EMB: variants seen among roughly 807,000 people sequenced by gnomAD.
EMB encodes embigin homolog.
A neutral mutation model predicts 41.4 loss-of-function variants in EMB; 31 were observed. The observed-to-expected ratio is 0.75, with a 90% CI of 0.56 to 1.01. The LOEUF (loss-of-function observed/expected upper bound fraction) is 1.01. EMB is among the 50% of genes least tolerant of loss of function. EMB has a pLI of 0.00. For synonymous variants in EMB, 137 were observed against 140.4 expected, an observed-to-expected ratio of 0.98 and a Z score of 0.17; for missense variants, 379 against 388.3, an observed-to-expected ratio of 0.98 and a Z score of 0.20.
chr5:50,434,064 T>C (rs1745765774), intron 1 of EMB, among the ~76,000 whole-genome samples: 1 of 152,236 alleles, frequency 6.6e-6, no homozygotes, highest in Non-Finnish European at 1.5e-5. Flanking sequence ...TAGTATGACC[T>C]TATTTTAGTT....
intron 1 of EMB, among the ~76,000 whole-genome samples, chr5:50,436,853 G>A (rs1288378758): frequency 9.2e-5 from 14 of 152,342 alleles, no homozygotes; most frequent in East Asian, 1.9e-4. Flanking sequence ...GGAAGGGAAC[G>A]AGGGTGACAG....
chr5:50,441,495 C>A, upstream of EMB: 1 of 189,726 alleles, frequency 5.3e-6, no homozygotes, highest in Non-Finnish European at 1.1e-5. Context: ...TGATGTCTAG[C>A]CAATCTCGTG....
intron 4 of EMB, 72 bp downstream of exon 4, chr5:50,410,805 A>T: frequency 1.1e-6 from 1 of 945,016 alleles, no homozygotes; most frequent in Non-Finnish European, 1.5e-6. Context: ...ATAATTTTAA[A>T]ATTACAGGAT....
At chr5:50,427,956 C>G (rs1745647108) in intron 2 of EMB, among the ~76,000 whole-genome samples, 188 bp downstream of exon 2, 1 of 152,102 alleles carries the variant, frequency 6.6e-6, no homozygotes, top group African/African-American at 2.4e-5. Flanking sequence ...GGTATATTTT[C>G]CTCCTTTGTG....
intron 7 of EMB, among the ~76,000 whole-genome samples, chr5:50,400,845 G>A (rs1745149895): frequency 6.6e-6 from 1 of 151,918 alleles, no homozygotes; most frequent in South Asian, 2.1e-4. Context: ...CAGAAGTGAT[G>A]GTCCATTCCA....
intron 2 of EMB, among the ~76,000 whole-genome samples, chr5:50,419,632 G>A (rs1745485143): frequency 6.6e-6 from 1 of 151,818 alleles, no homozygotes; most frequent in Admixed American, 6.6e-5. Flanking sequence ...GAGAGGGTGT[G>A]GAAAGCATTC....
At chr5:50,427,633 C>A (rs1745641672) in intron 2 of EMB, among the ~76,000 whole-genome samples, 1 of 152,032 alleles carries the variant, frequency 6.6e-6, no homozygotes, top group African/African-American at 2.4e-5. Context: ...CTCAGCCTCC[C>A]AAGTAGCTGG....
intron 2 of EMB, among the ~76,000 whole-genome samples, chr5:50,417,084 C>T (rs910140236): frequency 8.5e-5 from 13 of 152,184 alleles, no homozygotes; most frequent in African/African-American, 3.1e-4. Context: ...CACCAGCTCA[C>T]TCTTGAATTC....
rs529353602 is a variant in EMB at position 50,402,741 on chromosome 5, AT to A, written c.878-423del. 1.2e-3 allele frequency among the ~76,000 whole-genome samples: 188 copies of A among 151,832 alleles called. 2 individuals carry two copies. Among genetic ancestry groups the A allele is most frequent in the South Asian group, 6.2e-3 (30 of 4,810 alleles). On this transcript the variant is annotated intron_variant, in intron 6 of 8. Transcript: ENST00000303221. ...AGAACTCTGGAATGGTTAATAAAAT[AT>A]TTTTTTAAATGATAATCTAAGTGAA...
chr5:50,442,689 G>A (rs1438550894), upstream of EMB, among the ~76,000 whole-genome samples: 2 of 152,142 alleles, frequency 1.3e-5, no homozygotes, highest in African/African-American at 2.4e-5. Context: ...CATTGACTGG[G>A]CTTGCTAAAC....
chr5:50,405,757 A>C lies in EMB; in HGVS notation c.568T>G (p.Trp190Gly). ...CTCCCATTACTACTGTACCAGGTCC[A>C]ATTTAAAGGAAAACAATTTTGACAT... ...CKCQNCFPLN[W>G]TWYSSNGSVK... Residue 190 changes from tryptophan (W) to glycine (G), a missense_variant, in exon 5 of 9, where the codon TGG (tryptophan) becomes GGG (glycine). Coordinates refer to ENST00000303221, the MANE Select transcript of EMB (RefSeq NM_198449.3). 6.2e-7 allele frequency: 1 copy of C among 1,606,382 alleles called. No individual in the cohort carries two copies. The highest frequency in any genetic ancestry group is 8.5e-7 in the Non-Finnish European group (1 of 1,176,334).
At chr5:50,405,602 T>C in intron 5 of EMB, 123 bp downstream of exon 5, 1 of 1,361,376 alleles carries the variant, frequency 7.3e-7, no homozygotes, top group African/African-American at 1.5e-5. Flanking sequence ...GAACATAAGC[T>C]AAACAACAAG....
At chr5:50,402,999 A>G (rs967944362) in intron 6 of EMB, among the ~76,000 whole-genome samples, 179 bp downstream of exon 6, 2 of 151,420 alleles carry the variant, frequency 1.3e-5, no homozygotes, top group African/African-American at 4.8e-5. Context: ...TTTCCAGCTC[A>G]CTGTCACCAT....
intron 2 of EMB, among the ~76,000 whole-genome samples, chr5:50,421,310 G>A (rs904084158): frequency 6.6e-6 from 1 of 152,080 alleles, no homozygotes. Flanking sequence ...ATCATCACTG[G>A]CCATCAGAGA....
At chr5:50,428,044 G>A (rs1745649198) in intron 2 of EMB, 100 bp downstream of exon 2, 2 of 765,088 alleles carry the variant, frequency 2.6e-6, no homozygotes, top group Non-Finnish European at 4.4e-6. Flanking sequence ...CCAGGAACAG[G>A]GATTACCACT....
intron 2 of EMB, among the ~76,000 whole-genome samples, chr5:50,412,999 C>G (rs1193539454): frequency 6.6e-6 from 1 of 150,736 alleles, no homozygotes; most frequent in African/African-American, 2.4e-5. Flanking sequence ...TCTTTTCTTT[C>G]TTCAGTTTAA....
chr5:50,400,743 T>C (rs1745148406), intron 7 of EMB, among the ~76,000 whole-genome samples: 1 of 152,068 alleles, frequency 6.6e-6, no homozygotes, highest in South Asian at 2.1e-4. Context: ...CTTATGGTGC[T>C]ATACAAGATG....
chr5:50,412,507 A>G (rs533410847), intron 2 of EMB, among the ~76,000 whole-genome samples: 1 of 151,908 alleles, frequency 6.6e-6, no homozygotes, highest in Non-Finnish European at 1.5e-5. Flanking sequence ...TCACAAAACT[A>G]TATCTTCCAC....
rs16879125 is a variant in EMB, at chr5:50,399,127, G to A, written c.*146C>T. 33,060 of 1,046,870 alleles carry A rather than the reference G, an allele frequency of 0.032. 639 individuals carry two copies. Among genetic ancestry groups the A allele is most frequent in the East Asian group, 0.076 (2,751 of 36,348 alleles). 64.8% of individuals were successfully genotyped at this position (1,046,870 alleles called of 1,614,324 possible). On this transcript the variant is annotated 3_prime_UTR_variant, in exon 9 of 9. Coordinates refer to ENST00000303221, the MANE Select transcript of EMB (RefSeq NM_198449.3). ...TATACCTTTAGATCTGACATATATC[G>A]TTGATGAAGCTCCTGCTGAGCATGT... is the stretch of plus-strand genomic sequence containing the variant.
Sources: allele counts gnomAD v4.1 joint callset (sites outside exome capture counted in the v4.1 genomes callset), GRCh38; gene constraint gnomAD v4.1.1; transcripts MANE v1.5; gene names NCBI Gene and HGNC (gene_info 2026-07-23, HGNC 2026-07-21).